The following ZFAND3 variants were observed in gnomAD, a reference collection of about 807,000 sequenced individuals.
The protein encoded by ZFAND3 is AN1-type zinc finger protein 3.
Under a neutral mutation model 29.6 loss-of-function variants are expected in ZFAND3, and 10 were observed. That is an observed-to-expected ratio of 0.34 (90% CI 0.21 to 0.57). ZFAND3 has a LOEUF of 0.57. Ranked by LOEUF, ZFAND3 falls within the 20% of genes least tolerant of loss-of-function variation. The pLI is 0.86. For synonymous variants in ZFAND3, 128 were observed against 112.6 expected (o/e 1.14, Z -0.87); for missense variants, 230 against 304.5 (o/e 0.76, Z 1.82).
intron 2 of ZFAND3, among the ~76,000 whole-genome samples, chr6:38,000,394 C>T (rs1762925298): frequency 6.6e-6 from 1 of 152,176 alleles, no homozygotes; most frequent in Non-Finnish European, 1.5e-5. Context: ...CTAATAAAGA[C>T]ATACCCAAGA....
At chr6:37,906,291 A>G (rs1765405786) in intron 1 of ZFAND3, among the ~76,000 whole-genome samples, 1 of 152,214 alleles carries the variant, frequency 6.6e-6, no homozygotes, top group Non-Finnish European at 1.5e-5. Flanking sequence ...GAGTGAAATA[A>G]TAAAAAATGA....
At chr6:37,841,139 A>G (rs1273467113) in intron 1 of ZFAND3, among the ~76,000 whole-genome samples, 1 of 152,228 alleles carries the variant, frequency 6.6e-6, no homozygotes, top group African/African-American at 2.4e-5. Flanking sequence ...ATTTCACTTT[A>G]GTTATGAAAG....
At chr6:38,029,034 G>A (rs761329452) in intron 2 of ZFAND3, among the ~76,000 whole-genome samples, 1 of 152,030 alleles carries the variant, frequency 6.6e-6, no homozygotes, top group Non-Finnish European at 1.5e-5. Flanking sequence ...CATAATAACC[G>A]GTGGAAGAAA....
chr6:38,140,662 G>A (rs1319362468), intron 5 of ZFAND3, among the ~76,000 whole-genome samples: 2 of 152,096 alleles, frequency 1.3e-5, no homozygotes, highest in African/African-American at 4.8e-5. Context: ...GCTGTTCATG[G>A]GGTGTTTTTT....
intron 2 of ZFAND3, among the ~76,000 whole-genome samples, chr6:38,004,359 G>T (rs181906826): frequency 3.3e-5 from 5 of 152,042 alleles, no homozygotes; most frequent in African/African-American, 1.2e-4. Context: ...TGGTGATACC[G>T]TCAGTGTTCC....
At chr6:37,909,714 G>C (rs1014338233) in intron 1 of ZFAND3, among the ~76,000 whole-genome samples, 1 of 144,428 alleles carries the variant, frequency 6.9e-6, no homozygotes, top group Non-Finnish European at 1.5e-5. Flanking sequence ...TACTATAGTT[G>C]TGCTGATTAA....
intron 5 of ZFAND3, among the ~76,000 whole-genome samples, chr6:38,121,265 A>G (rs1267626774): frequency 4.6e-5 from 7 of 152,196 alleles, no homozygotes; most frequent in African/African-American, 1.7e-4. Context: ...GGTCCCAGCT[A>G]CTTGGGAGGC....
intron 5 of ZFAND3, 68 bp from the exon 6 acceptor site, chr6:38,152,167 T>G: frequency 7.1e-7 from 1 of 1,398,940 alleles, no homozygotes; most frequent in Non-Finnish European, 9.5e-7. Context: ...ACAAAGGCAA[T>G]TGTGAGGCTC....
At chr6:37,870,474 C>T (rs566212936) in intron 1 of ZFAND3, among the ~76,000 whole-genome samples, 9 of 151,578 alleles carry the variant, frequency 5.9e-5, no homozygotes, top group East Asian at 1.9e-4. Context: ...TGGTGGCACG[C>T]GCCAATCCCA....
intron 1 of ZFAND3, among the ~76,000 whole-genome samples, chr6:37,891,919 G>T (rs1016804969): frequency 6.6e-6 from 1 of 152,054 alleles, no homozygotes; most frequent in Non-Finnish European, 1.5e-5. Flanking sequence ...AGTAGAGATG[G>T]GGTTTCACTG....
intron 5 of ZFAND3, among the ~76,000 whole-genome samples, chr6:38,137,532 A>T (rs1765864995): frequency 1.3e-5 from 2 of 152,246 alleles, no homozygotes; most frequent in Non-Finnish European, 2.9e-5. Flanking sequence ...AGGAAGAGCA[A>T]GGGGTAAAAC....
Position 38,026,421 on chromosome 6 carries a change from ATTTTTTTT to A in ZFAND3, c.113-35153_113-35146del, listed in dbSNP as rs10715149. On this transcript the variant is annotated intron_variant, in intron 2 of 5. Coordinates refer to ENST00000287218, the MANE Select transcript of ZFAND3 (RefSeq NM_021943.3). ...CATTTATTATTTGTATTACTTTAGGATTTTTTTTTTTTTTTTTTTTTTTTTTGAGACAA... is the reference window on the plus strand; with the variant it reads ...CATTTATTATTTGTATTACTTTAGGATTTTTTTTTTTTTTTTTTGAGACAA... Among the ~76,000 whole-genome samples, 105 of 74,874 alleles carry A rather than the reference ATTTTTTTT, an allele frequency of 1.4e-3. 1 individual carries two copies. Among genetic ancestry groups the A allele is most frequent in the African/African-American group, 5.6e-3 (100 of 17,910 alleles). 49.1% of individuals were successfully genotyped at this position (74,874 alleles called of 152,430 possible).
chr6:38,076,479 A>G (rs1764555856), intron 3 of ZFAND3, among the ~76,000 whole-genome samples: 2 of 152,166 alleles, frequency 1.3e-5, no homozygotes, highest in African/African-American at 2.4e-5. Context: ...CACCCTTATT[A>G]GCAAAATAGA....
rs929863535 is a variant in ZFAND3 at position 37,819,901 on chromosome 6, C to T, written c.-45C>T. Reference sequence around the variant, plus strand: ...CCTCAGAGCGGGGCCCGGGCCCAGCCGCCGCCACCGCTGCCGCCGCCGAGC... The same window carrying T: ...CCTCAGAGCGGGGCCCGGGCCCAGCTGCCGCCACCGCTGCCGCCGCCGAGC... On this transcript the variant is annotated 5_prime_UTR_variant, in exon 1 of 6. Transcript: ENST00000287218. 4.1e-5 allele frequency: 47 copies of T among 1,155,142 alleles called. 2 individuals carry two copies. The highest frequency in any genetic ancestry group is 1.9e-4 in the Admixed American group (4 of 21,572). 71.6% of individuals were successfully genotyped at this position (1,155,142 alleles called of 1,614,324 possible).
intron 2 of ZFAND3, among the ~76,000 whole-genome samples, chr6:38,046,008 A>G (rs972178158): frequency 1.1e-4 from 16 of 152,230 alleles, no homozygotes; most frequent in African/African-American, 3.6e-4. Flanking sequence ...TGTTTTTTAC[A>G]TGGCTTTTTC....
chr6:37,963,718 T>C (rs74895147), intron 2 of ZFAND3, among the ~76,000 whole-genome samples: 2,238 of 152,302 alleles, frequency 0.015, 50 homozygotes, highest in African/African-American at 0.051. Context: ...GTAGAAGCCT[T>C]CTTTCCTCCT....
chr6:38,116,986 T>C (rs746764382), intron 5 of ZFAND3, among the ~76,000 whole-genome samples: 7 of 152,186 alleles, frequency 4.6e-5, no homozygotes, highest in Non-Finnish European at 8.8e-5. Flanking sequence ...CATATCTCCT[T>C]AGAGCTACAT....
In ZFAND3 at chr6:37,842,700, A is replaced by G. The variant is rs914736643; in HGVS notation, c.71+22684A>G. ...ATTTACTTAGATAACTTTATATTCC[A>G]TCCTTGCTCTTTTAGTTGCCTTAAT... On this transcript the variant is annotated intron_variant, in intron 1 of 5. Coordinates refer to ENST00000287218, the MANE Select transcript of ZFAND3 (RefSeq NM_021943.3). Among the ~76,000 whole-genome samples the G allele has an allele frequency of 7.2e-5, 11 of 152,212 alleles. 1 individual carries two copies. The highest frequency in any genetic ancestry group is 6.5e-5 in the Admixed American group (1 of 15,286).
intron 5 of ZFAND3, among the ~76,000 whole-genome samples, chr6:38,144,231 A>ATAT (rs1365246829): frequency 1.3e-4 from 10 of 75,276 alleles, no homozygotes; most frequent in African/African-American, 1.7e-4. Context: ...ATATATATAT[A>ATAT]TTTTTTTTTT....
Sources: gnomAD v4.1 joint callset for allele counts (sites outside exome capture counted in the v4.1 genomes callset) on GRCh38, gnomAD v4.1.1 for gene constraint, MANE v1.5 for transcripts, NCBI Gene and HGNC (gene_info 2026-07-23, HGNC 2026-07-21) for gene names.